DGKB: variants seen among roughly 807,000 people sequenced by gnomAD.
The protein encoded by DGKB is diacylglycerol kinase beta, also known as 90 kDa diacylglycerol kinase.
Under a neutral mutation model 114.3 loss-of-function variants are expected in DGKB, and 67 were observed. The observed-to-expected ratio is 0.59, with a 90% CI of 0.48 to 0.72. DGKB has a LOEUF of 0.72. Among genes scored for constraint, DGKB ranks in the 30% least tolerant of loss-of-function variants. DGKB has a pLI of 0.00. For synonymous variants in DGKB, 398 were observed against 323.1 expected (o/e 1.23, Z -2.49); for missense variants, 907 against 975.2 (o/e 0.93, Z 0.93).
intron 17 of DGKB, among the ~76,000 whole-genome samples, chr7:14,606,228 T>A: frequency 6.6e-6 from 1 of 152,070 alleles, no homozygotes; most frequent in East Asian, 1.9e-4. Context: ...ACTTCCTGCA[T>A]GTAGCTAGCT....
At chr7:14,410,826 A>G (rs1824751448) in intron 21 of DGKB, among the ~76,000 whole-genome samples, 2 of 152,140 alleles carry the variant, frequency 1.3e-5, no homozygotes, top group Admixed American at 6.5e-5. Context: ...TAACCCACAG[A>G]AAAATGAAAA....
intron 13 of DGKB, among the ~76,000 whole-genome samples, chr7:14,648,062 TG>T (rs1813498316): frequency 2.0e-5 from 3 of 152,142 alleles, no homozygotes; most frequent in Admixed American, 6.5e-5. Flanking sequence ...GCAGCGAGGC[TG>T]GGGGAGGGGC....
chr7:14,735,254 A>G (rs1364519361), intron 5 of DGKB, among the ~76,000 whole-genome samples: 1 of 152,090 alleles, frequency 6.6e-6, no homozygotes, highest in Non-Finnish European at 1.5e-5. Context: ...CACTTCCACA[A>G]AAGTCCAAGG....
intron 21 of DGKB, among the ~76,000 whole-genome samples, chr7:14,359,464 G>A (rs150164230): frequency 0.021 from 3,156 of 152,126 alleles, 61 homozygotes; most frequent in South Asian, 0.099. Context: ...AAAATTGAAA[G>A]TGGGATCTAA....
Position 14,831,324 on chromosome 7 carries a change from G to A in DGKB, c.70+9870C>T, listed in dbSNP as rs561426203. On this transcript the variant is annotated intron_variant, in intron 2 of 25. Coordinates refer to ENST00000402815, the MANE Select transcript of DGKB (RefSeq NM_001350709.2). ...TACTATATGCTAATATTTATTGAAA[G>A]ATAATTCTCAATGTTTCCTTCATGT... Among the ~76,000 whole-genome samples, 6 of 152,076 alleles carry A rather than the reference G, an allele frequency of 3.9e-5. No homozygotes were observed. The South Asian group carries it at 1.2e-3, about 32-fold the overall frequency.
intron 1 of DGKB, among the ~76,000 whole-genome samples, chr7:14,966,060 TA>T (rs1365864528): frequency 5.9e-5 from 9 of 152,094 alleles, no homozygotes; most frequent in Non-Finnish European, 1.3e-4. Context: ...TTCTTAAACT[TA>T]AAATGTCTAA....
At chr7:14,229,361 T>A (rs1234949745) in intron 23 of DGKB, among the ~76,000 whole-genome samples, 2 of 152,008 alleles carry the variant, frequency 1.3e-5, no homozygotes, top group Non-Finnish European at 2.9e-5. Flanking sequence ...CAAACCTGTA[T>A]AGCATGTTAC....
rs186899250 is a variant in DGKB at position 14,198,406 on chromosome 7, C to G, written c.2123-20255G>C. On this transcript the variant is annotated intron_variant, in intron 23 of 25. Coordinates refer to ENST00000402815, the MANE Select transcript of DGKB (RefSeq NM_001350709.2). ...ACATGAGTTCCCTGCATCAGAGACC[C>G]AAGACGTTACTATCCACAGCAACAG... 1.7e-3 allele frequency among the ~76,000 whole-genome samples: 265 copies of G among 152,014 alleles called. 5 individuals are homozygous for G. Among genetic ancestry groups the G allele is most frequent in the Admixed American group, 0.016 (240 of 15,250 alleles).
At chr7:14,391,258 A>T (rs1212177260) in intron 21 of DGKB, among the ~76,000 whole-genome samples, 1 of 152,196 alleles carries the variant, frequency 6.6e-6, no homozygotes, top group Non-Finnish European at 1.5e-5. Flanking sequence ...GAAGAAGTCT[A>T]TGCTGAGAAT....
chr7:14,659,023 C>G (rs6976654), intron 13 of DGKB, among the ~76,000 whole-genome samples: 10 of 151,938 alleles, frequency 6.6e-5, no homozygotes, highest in African/African-American at 2.4e-4. Flanking sequence ...ATCTAGGTTT[C>G]AAGCCCCACA....
chr7:14,347,330 A>G lies in DGKB; in HGVS notation c.1836-1939T>C, dbSNP rs190722386. Among the ~76,000 whole-genome samples, 170 of 152,178 alleles carry G rather than the reference A, an allele frequency of 1.1e-3. 1 individual carries two copies. Among genetic ancestry groups the G allele is most frequent in the Non-Finnish European group, 1.9e-3 (131 of 67,974 alleles). On this transcript the variant is annotated intron_variant, in intron 21 of 25. Coordinates refer to ENST00000402815, the MANE Select transcript of DGKB (RefSeq NM_001350709.2). The stretch of plus-strand genomic sequence containing the variant: ...GGTGTGGACAAAAGGGAACATTTGT[A>G]TACTGTTAGTGAGAAAATAAATTTG...
rs185708790 is a variant in DGKB at position 14,430,093 on chromosome 7, T to C, written c.1835+48068A>G. Among the ~76,000 whole-genome samples, 209 of 152,318 alleles carry C rather than the reference T, an allele frequency of 1.4e-3. 1 individual carries two copies. The highest frequency in any genetic ancestry group is 4.7e-3 in the African/African-American group (195 of 41,580). On this transcript the variant is annotated intron_variant, in intron 21 of 25. Transcript: ENST00000402815. ...TTTCACAGGAAATATGTTTGACTTG[T>C]TGTTATTAAAGTACATAGTGTTTCT...
chr7:14,569,179 C>A (rs541637619), intron 20 of DGKB, among the ~76,000 whole-genome samples: 3 of 152,258 alleles, frequency 2.0e-5, no homozygotes, highest in African/African-American at 7.2e-5. Flanking sequence ...TGTCCCTGAG[C>A]ATTGAGATTT....
intron 23 of DGKB, among the ~76,000 whole-genome samples, chr7:14,231,129 T>TTCTTTCTTTCTTTCTTTCTTTC (rs1562685092): frequency 8.6e-5 from 12 of 140,328 alleles, no homozygotes; most frequent in African/African-American, 3.1e-4. Context: ...CTTTCTTTCT[T>TTCTTTCTTTCTTTCTTTCTTTC]TCTTTCTTTC....
intron 21 of DGKB, among the ~76,000 whole-genome samples, chr7:14,397,197 T>G (rs2128719634): frequency 6.6e-6 from 1 of 152,210 alleles, no homozygotes; most frequent in South Asian, 2.1e-4. Flanking sequence ...TATGAATAAT[T>G]GTGTTGTACT....
At chr7:14,879,454 T>C (rs957229148) in intron 1 of DGKB, among the ~76,000 whole-genome samples, 1 of 152,220 alleles carries the variant, frequency 6.6e-6, no homozygotes, top group Non-Finnish European at 1.5e-5. Context: ...TATTTGGCTA[T>C]TTCATACGTT....
intron 23 of DGKB, among the ~76,000 whole-genome samples, chr7:14,251,532 A>G (rs1161863125): frequency 6.6e-6 from 1 of 152,174 alleles, no homozygotes; most frequent in Admixed American, 6.5e-5. Flanking sequence ...AAAATAATTT[A>G]TATACTATCA....
At chr7:14,195,334 G>C (rs1033141835) in intron 23 of DGKB, among the ~76,000 whole-genome samples, 1 of 152,030 alleles carries the variant, frequency 6.6e-6, no homozygotes, top group Non-Finnish European at 1.5e-5. Context: ...CATGAATGAA[G>C]GCTGATGTCA....
At chr7:14,827,461 AGACT>A (rs1413863621) in intron 2 of DGKB, among the ~76,000 whole-genome samples, 3 of 152,034 alleles carry the variant, frequency 2.0e-5, no homozygotes, top group Admixed American at 2.0e-4. Context: ...ACAGACAGAC[AGACT>A]AACTACACGG....
Sources: allele counts gnomAD v4.1 joint callset (sites outside exome capture counted in the v4.1 genomes callset), GRCh38; gene constraint gnomAD v4.1.1; transcripts MANE v1.5; gene names NCBI Gene and HGNC (gene_info 2026-07-23, HGNC 2026-07-21).